DIP2C: variants seen among roughly 807,000 people sequenced by gnomAD.
DIP2C encodes disco-interacting protein 2 homolog C.
Under a neutral mutation model 192.4 loss-of-function variants are expected in DIP2C, and 33 were observed. That is an observed-to-expected ratio of 0.17 (90% CI 0.13 to 0.23). The LOEUF (loss-of-function observed/expected upper bound fraction) is 0.23, where lower values mean the gene tolerates loss of function less well. Ranked by LOEUF, DIP2C falls within the 10% of genes least tolerant of loss-of-function variation. DIP2C has a pLI of 1.00. For missense variants in DIP2C, 1,537 were observed against 2,110.1 expected (o/e 0.73, Z 5.32); for synonymous variants, 979 against 864.1 (o/e 1.13, Z -2.33).
At chr10:684,370 G>A (rs1339254452) in intron 1 of DIP2C, among the ~76,000 whole-genome samples, 4 of 152,288 alleles carry the variant, frequency 2.6e-5, no homozygotes, top group South Asian at 2.1e-4. Context: ...ATGTAACAAC[G>A]CTACCTGGCC....
intron 8 of DIP2C, 80 bp from the exon 9 acceptor site, chr10:409,097 T>G: frequency 6.8e-7 from 1 of 1,461,672 alleles, no homozygotes; most frequent in South Asian, 1.2e-5. Flanking sequence ...GTCTAGGACA[T>G]GAGTCCATTC....
chr10:688,848 C>T (rs1276869803), intron 1 of DIP2C, among the ~76,000 whole-genome samples: 1 of 152,210 alleles, frequency 6.6e-6, no homozygotes, highest in African/African-American at 2.4e-5. Flanking sequence ...GGGAGGTTGA[C>T]GATTCCGCCC....
At chr10:341,130 C>A in intron 29 of DIP2C, 69 bp downstream of exon 29, 1 of 1,604,398 alleles carries the variant, frequency 6.2e-7, no homozygotes, top group South Asian at 1.1e-5. Flanking sequence ...GGTTGCCTGG[C>A]TGGGTCTAAG....
intron 32 of DIP2C, among the ~76,000 whole-genome samples, chr10:292,321 C>G (rs570175331): frequency 6.6e-6 from 1 of 152,344 alleles, no homozygotes; most frequent in South Asian, 2.1e-4. Context: ...AACTGTGTGT[C>G]TGAATAAACT....
chr10:558,432 AAAGG>A (rs1167983870), intron 1 of DIP2C, among the ~76,000 whole-genome samples: 2 of 152,302 alleles, frequency 1.3e-5, no homozygotes, highest in Admixed American at 6.5e-5. Flanking sequence ...AGAAATGCGT[AAAGG>A]AAGGTGCAGT....
intron 1 of DIP2C, chr10:668,543 AAC>A (rs1485418033): frequency 2.6e-5 from 4 of 152,262 alleles, no homozygotes; most frequent in Non-Finnish European, 4.4e-5. Flanking sequence ...ATACATGTAC[AAC>A]ACACTCATAC....
At position 607,651 on chromosome 10, in the gene DIP2C, C is replaced by A. The variant is rs79973582; in HGVS notation, c.85+81843G>T. 2.5e-3 allele frequency among the ~76,000 whole-genome samples: 374 copies of A among 152,258 alleles called. 1 individual carries two copies. The highest frequency in any genetic ancestry group is 0.01 in the Middle Eastern group (3 of 294). ...ACGGGTTCATCCAGAGGCAGCCCAT[C>A]TCGGCCCAAACGATGCAATGAGTGT... On this transcript the variant is annotated intron_variant, in intron 1 of 36. Transcript: ENST00000280886.
At chr10:631,016 CAGGGGAAAGCGGGTTGG>C (rs1171229672) in intron 1 of DIP2C, 2 of 152,264 alleles carry the variant, frequency 1.3e-5, no homozygotes, top group African/African-American at 4.8e-5. Context: ...GGCTGAGCTC[CAGGGGAAAGCGGGTTGG>C]AGGCCTGGCT....
intron 17 of DIP2C, among the ~76,000 whole-genome samples, chr10:373,137 G>A (rs1466121371): frequency 1.3e-5 from 2 of 152,212 alleles, no homozygotes; most frequent in Non-Finnish European, 2.9e-5. Context: ...AGCCCCTGCT[G>A]ACCTGAGTGC....
intron 3 of DIP2C, among the ~76,000 whole-genome samples, chr10:469,295 C>G (rs1211754950): frequency 6.7e-6 from 1 of 149,530 alleles, no homozygotes; most frequent in Non-Finnish European, 1.5e-5. Flanking sequence ...TTGAGCATTT[C>G]TCAAATCTCA....
chr10:664,111 T>A (rs1481535864), intron 1 of DIP2C: 1 of 152,222 alleles, frequency 6.6e-6, no homozygotes, highest in Non-Finnish European at 1.5e-5. Flanking sequence ...GAGGACGGCC[T>A]CCCACAAAGG....
At chr10:306,472 CA>C (rs762870439) in intron 32 of DIP2C, among the ~76,000 whole-genome samples, 9 of 152,334 alleles carry the variant, frequency 5.9e-5, no homozygotes, top group Non-Finnish European at 1.3e-4. Flanking sequence ...TAACCTTCTC[CA>C]GAGTAATTAG....
chr10:362,249 G>C (rs1359871263), intron 22 of DIP2C, among the ~76,000 whole-genome samples: 1 of 152,196 alleles, frequency 6.6e-6, no homozygotes, highest in Admixed American at 6.5e-5. Flanking sequence ...GAGCCAGTAA[G>C]TTACGTGCTG....
At chr10:564,442 T>C (rs1286379630) in intron 1 of DIP2C, among the ~76,000 whole-genome samples, 1 of 152,074 alleles carries the variant, frequency 6.6e-6, no homozygotes, top group Non-Finnish European at 1.5e-5. Flanking sequence ...TTAAGAACCA[T>C]TGTTCCACAT....
Position 351,265 on chromosome 10 carries a change from G to A in DIP2C, c.2986-1811C>T, listed in dbSNP as rs145133201. ...CAGCCTCCCAGCTCGAAGGGCCCGTGTCAGAAACACATGGCGGGGCACGGT... is the reference window on the plus strand; with the variant it reads ...CAGCCTCCCAGCTCGAAGGGCCCGTATCAGAAACACATGGCGGGGCACGGT... On this transcript the variant is annotated intron_variant, in intron 24 of 36. Coordinates refer to ENST00000280886, the MANE Select transcript of DIP2C (RefSeq NM_014974.3). 3.7e-3 allele frequency among the ~76,000 whole-genome samples: 561 copies of A among 152,332 alleles called. 7 individuals are homozygous for A. Among genetic ancestry groups the A allele is most frequent in the African/African-American group, 0.012 (497 of 41,588 alleles).
intron 24 of DIP2C, among the ~76,000 whole-genome samples, chr10:355,763 CAT>C (rs2132673156): frequency 6.6e-6 from 1 of 152,252 alleles, no homozygotes; most frequent in South Asian, 2.1e-4. Flanking sequence ...CTGCAATAAA[CAT>C]AACTTCTGGT....
In DIP2C at chr10:399,213, G is replaced by C. The variant is rs1564661855; in HGVS notation, c.1156C>G (p.Leu386Val). ...PMVRPGDRVA[L>V]VFPNNDPAAF... ...GCCGGATCATTGTTGGGGAACACCAGTGCCACCTGTGGGACAGGCCAGAGC... is the reference window on the plus strand; with the variant it reads ...GCCGGATCATTGTTGGGGAACACCACTGCCACCTGTGGGACAGGCCAGAGC... The change falls in exon 10 of 37, where the codon CTG becomes GTG. Residue 386 changes from leucine to valine, a missense_variant. By Grantham distance (32) the Leu-to-Val change is conservative. This residue lies in a region of DIP2C where 473 missense variants were observed against 539.6 expected (regional missense o/e 0.88). Coordinates refer to ENST00000280886, the MANE Select transcript of DIP2C (RefSeq NM_014974.3). 1.2e-6 allele frequency: 2 copies of C among 1,614,046 alleles called. No individual in the cohort carries two copies. Among genetic ancestry groups the C allele is most frequent in the African/African-American group, 2.7e-5 (2 of 75,070 alleles).
intron 1 of DIP2C, among the ~76,000 whole-genome samples, chr10:500,834 C>A (rs186004378): frequency 6.6e-6 from 1 of 152,186 alleles, no homozygotes; most frequent in African/African-American, 2.4e-5. Flanking sequence ...ATGTCTCCCC[C>A]CATAGGTTTC....
intron 1 of DIP2C, among the ~76,000 whole-genome samples, chr10:617,359 G>A (rs78087570): frequency 0.035 from 5,349 of 152,250 alleles, 273 homozygotes; most frequent in African/African-American, 0.12. Context: ...GAGCCCCTGA[G>A]ATTTCTCAAA....
Sources: gnomAD v4.1 joint callset for allele counts (sites outside exome capture counted in the v4.1 genomes callset) on GRCh38, gnomAD v4.1.1 for gene constraint, gnomAD v4.1.1 regional missense constraint, MANE v1.5 for transcripts, NCBI Gene and HGNC (gene_info 2026-07-23, HGNC 2026-07-21) for gene names.